The following IFT43 variants were observed in gnomAD, a reference collection of about 807,000 sequenced individuals.
IFT43 encodes intraflagellar transport 43, also known as intraflagellar transport protein 43 homolog.
Under a neutral mutation model 32.3 loss-of-function variants are expected in IFT43, and 33 were observed. The ratio of observed to expected loss-of-function variants is 1.02; its 90% CI spans 0.77 to 1.37. The LOEUF (loss-of-function observed/expected upper bound fraction) is 1.37, where lower values mean the gene tolerates loss of function less well. Among genes scored for constraint, IFT43 ranks in the 40% most tolerant of loss-of-function variants. IFT43 has a pLI of 0.00. For synonymous variants in IFT43, 93 were observed against 98.2 expected (o/e 0.95, Z 0.31); for missense variants, 274 against 265.9 (o/e 1.03, Z -0.21).
intron 3 of IFT43, among the ~76,000 whole-genome samples, chr14:76,044,657 C>G (rs1451317380): frequency 6.6e-6 from 1 of 152,186 alleles, no homozygotes; most frequent in Non-Finnish European, 1.5e-5. Context: ...CCAGGAGTCC[C>G]CCCATTCATC....
At chr14:76,053,402 G>A (rs903266450) in intron 3 of IFT43, among the ~76,000 whole-genome samples, 1 of 152,146 alleles carries the variant, frequency 6.6e-6, no homozygotes, top group African/African-American at 2.4e-5. Context: ...AGAGAAGCTG[G>A]GATGAAGACC....
At chr14:76,020,458 G>T (rs533558541) in intron 2 of IFT43, among the ~76,000 whole-genome samples, 23 of 152,152 alleles carry the variant, frequency 1.5e-4, no homozygotes, top group African/African-American at 5.5e-4. Context: ...TTCTTACATT[G>T]ATATCTGTGT....
rs2035514255 is a variant in IFT43, at chr14:75,985,960, G to A, written c.54+120G>A. 6 of 1,536,328 alleles carry A rather than the reference G, an allele frequency of 3.9e-6. 1 individual carries two copies. The Admixed American group carries it at 1.2e-4, about 30-fold the overall frequency. ...GCAGGCCTCGCGCCGCGCCGGGTGAGGCCCAGAAGGAGGCAGCCTCACCGC... is the reference window on the plus strand; with the variant it reads ...GCAGGCCTCGCGCCGCGCCGGGTGAAGCCCAGAAGGAGGCAGCCTCACCGC... On this transcript the variant is annotated intron_variant, in intron 1 of 8. Transcript: ENST00000314067.
At chr14:76,046,933 C>G (rs180796270) in intron 3 of IFT43, among the ~76,000 whole-genome samples, 84 of 152,268 alleles carry the variant, frequency 5.5e-4, no homozygotes, top group African/African-American at 8.2e-4. Context: ...TCTGGGAAGT[C>G]TGAGATCAAG....
rs1038352770 is a variant in IFT43 at position 76,017,094 on chromosome 14, G to T, written c.148-5233G>T. ...TCCAGGACTATGTTAAATAAAAGTG[G>T]TGAAAGTGGACATCCTTGTCTTGTT... On this transcript the variant is annotated intron_variant, in intron 2 of 8. Transcript: ENST00000314067. 4.6e-5 allele frequency among the ~76,000 whole-genome samples: 7 copies of T among 152,260 alleles called. 1 individual carries two copies. The East Asian group carries it at 1.3e-3, about 29-fold the overall frequency.
downstream of IFT43, chr14:76,083,969 C>T (rs1020520808): frequency 1.1e-5 from 5 of 460,778 alleles, no homozygotes; most frequent in East Asian, 6.8e-5. Flanking sequence ...CCTCCCTTCC[C>T]GTGGGTGCTC....
At chr14:76,059,730 G>C (rs2037093874) in intron 5 of IFT43, 1 of 357,318 alleles carries the variant, frequency 2.8e-6, no homozygotes, top group Non-Finnish European at 5.4e-6. Flanking sequence ...TATTTACTAG[G>C]TGTTGACTAT....
rs369470339 is a variant in IFT43 at position 76,077,358 on chromosome 14, C to T, written c.296-4937C>T. Among the ~76,000 whole-genome samples the T allele has an allele frequency of 1.2e-3, 184 of 152,266 alleles. 4 individuals carry two copies. In the South Asian group the frequency reaches 0.035, roughly 29 times the overall value. ...CTCAGGCAGCTTTAGGACTCAGTAG[C>T]GATTCTAACTGGAACAATGTAGAGA... On this transcript the variant is annotated intron_variant, in intron 5 of 8. Transcript: ENST00000314067.
intron 5 of IFT43, among the ~76,000 whole-genome samples, chr14:76,061,318 G>C (rs1421281274): frequency 1.3e-5 from 2 of 152,104 alleles, no homozygotes; most frequent in South Asian, 2.1e-4. Flanking sequence ...AATATGCCTT[G>C]GTGTGGTTTT....
At chr14:76,008,057 A>C (rs1488115668) in intron 2 of IFT43, among the ~76,000 whole-genome samples, 1 of 152,084 alleles carries the variant, frequency 6.6e-6, no homozygotes, top group Non-Finnish European at 1.5e-5. Context: ...GGCTCTTTTT[A>C]TTATAGGTTA....
chr14:76,020,868 G>T (rs931775013), intron 2 of IFT43, among the ~76,000 whole-genome samples: 4 of 152,180 alleles, frequency 2.6e-5, no homozygotes, highest in African/African-American at 9.7e-5. Context: ...GGTGCCGGGG[G>T]TGGCAGTGGT....
intron 2 of IFT43, among the ~76,000 whole-genome samples, chr14:75,999,237 A>ATAATATTCATTTATATATAAATTCATTT (rs2035807367): frequency 1.0e-4 from 1 of 9,738 alleles, no homozygotes; most frequent in African/African-American, 6.6e-4. Context: ...TTATATATAT[A>ATAATATTCATTTATATATAAATTCATTT]TATATATATA....
intron 5 of IFT43, among the ~76,000 whole-genome samples, chr14:76,065,107 G>A (rs531468007): frequency 6.6e-6 from 1 of 152,100 alleles, no homozygotes; most frequent in Non-Finnish European, 1.5e-5. Context: ...AGGACATCTC[G>A]TCCAGACCTG....
In IFT43 at chr14:76,082,304, T is replaced by G; in HGVS notation, c.305T>G (p.Ile102Ser). Residue 102 changes from isoleucine (I) to serine (S), a missense_variant, in exon 6 of 9, where the codon ATC becomes AGC. Physicochemically the swap from Ile to Ser is moderately radical, Grantham distance 142. Transcript: ENST00000314067. Reference protein sequence around the residue: ...NGSDYGGDIPIIPDLEEVQEE... With the variant: ...NGSDYGGDIPSIPDLEEVQEE... ...CTGCCTCTCCTTGCAGATATTCCTA[T>G]CATTCCGGATCTGGAGGAAGTACAG... 1 of 1,614,042 alleles carries G rather than the reference T, an allele frequency of 6.2e-7. No homozygotes were observed. The highest frequency in any genetic ancestry group is 8.5e-7 in the Non-Finnish European group (1 of 1,179,884).
rs1566741262 is a variant in IFT43 at position 76,083,659 on chromosome 14, C to G, written c.*82C>G. On this transcript the variant is annotated 3_prime_UTR_variant, in exon 9 of 9. Transcript: ENST00000314067. ...CTTGTAAGCAGCTCCGAATTTTTAC[C>G]TGGAATATTTTGTAATAAAAATATT... is the stretch of plus-strand genomic sequence containing the variant. 1.5e-6 allele frequency: 2 copies of G among 1,313,050 alleles called. No homozygotes were observed. The highest frequency in any genetic ancestry group is 2.3e-5 in the East Asian group (1 of 43,260). 81.3% of individuals were successfully genotyped at this position (1,313,050 alleles called of 1,614,324 possible). A position where few individuals can be genotyped will look rare whatever the true frequency, so the allele number is the denominator to read the frequency against.
intron 2 of IFT43, among the ~76,000 whole-genome samples, chr14:75,991,388 AGTGT>A (rs34624480): frequency 0.07 from 9,934 of 141,858 alleles, 406 homozygotes; most frequent in Middle Eastern, 0.12. Flanking sequence ...TATTAACAAG[AGTGT>A]GTGTGTGTGT....
intron 3 of IFT43, among the ~76,000 whole-genome samples, chr14:76,034,436 A>G (rs1462648179): frequency 2.0e-5 from 3 of 152,130 alleles, no homozygotes; most frequent in African/African-American, 7.2e-5. Context: ...GGGGATTAGG[A>G]TTTCAACATA....
At chr14:76,015,098 A>C (rs1426975184) in intron 2 of IFT43, among the ~76,000 whole-genome samples, 2 of 152,188 alleles carry the variant, frequency 1.3e-5, no homozygotes, top group Non-Finnish European at 2.9e-5. Flanking sequence ...TTCCCCACAT[A>C]GGTAACAAGG....
At chr14:76,017,299 A>G (rs78767015) in intron 2 of IFT43, among the ~76,000 whole-genome samples, 2,135 of 152,246 alleles carry the variant, frequency 0.014, 57 homozygotes, top group African/African-American at 0.045. Context: ...TGCATCTATT[A>G]AGATGATAAT....
Sources: allele counts gnomAD v4.1 joint callset (sites outside exome capture counted in the v4.1 genomes callset), GRCh38; gene constraint gnomAD v4.1.1; transcripts MANE v1.5; gene names NCBI Gene and HGNC (gene_info 2026-07-23, HGNC 2026-07-21).